CRACD: variants seen among roughly 807,000 people sequenced by gnomAD.
CRACD encodes the protein capping protein-inhibiting regulator of actin dynamics.
Under a neutral mutation model 106.8 loss-of-function variants are expected in CRACD, and 56 were observed. The ratio of observed to expected loss-of-function variants is 0.52; its 90% CI spans 0.42 to 0.66. CRACD has a LOEUF of 0.66. Ranked by LOEUF, CRACD falls within the 30% of genes least tolerant of loss-of-function variation. The pLI is 0.00. For synonymous variants in CRACD, 754 were observed against 670.8 expected, an observed-to-expected ratio of 1.12 and a Z score of -1.92; for missense variants, 1,730 against 1,623.2, an observed-to-expected ratio of 1.07 and a Z score of -1.13.
At chr4:56,318,794 A>C (rs560822637) in intron 8 of CRACD, among the ~76,000 whole-genome samples, 205 of 152,344 alleles carry the variant, frequency 1.3e-3, no homozygotes, top group Non-Finnish European at 2.4e-3. Flanking sequence ...TCAGGATAAA[A>C]ATGTTAGGCA....
intron 2 of CRACD, among the ~76,000 whole-genome samples, chr4:56,223,204 GT>G (rs1560490119): frequency 7.1e-6 from 1 of 140,730 alleles, no homozygotes. Context: ...TCTCTTTTTC[GT>G]TTTTCTTGAT....
chr4:56,169,195 C>G (rs1347854165), intron 1 of CRACD, among the ~76,000 whole-genome samples: 1 of 151,994 alleles, frequency 6.6e-6, no homozygotes, highest in Non-Finnish European at 1.5e-5. Flanking sequence ...ATTCTGAAAT[C>G]CCAACAAAGG....
chr4:56,112,207 G>C (rs143065266), intron 1 of CRACD, among the ~76,000 whole-genome samples: 1 of 152,276 alleles, frequency 6.6e-6, no homozygotes, highest in African/African-American at 2.4e-5. Flanking sequence ...GCCAAATGCT[G>C]ACATCTAGAT....
chr4:56,119,444 C>T (rs1475460682), intron 1 of CRACD, among the ~76,000 whole-genome samples: 5 of 151,990 alleles, frequency 3.3e-5, no homozygotes, highest in Non-Finnish European at 5.9e-5. Flanking sequence ...GATCCTCCCA[C>T]CTCAGACTCC....
At chr4:56,125,734 T>C (rs1357147871) in intron 1 of CRACD, among the ~76,000 whole-genome samples, 2 of 151,608 alleles carry the variant, frequency 1.3e-5, no homozygotes, top group African/African-American at 2.4e-5. Context: ...AAATTTTTAA[T>C]GTTTATAATC....
At chr4:56,311,102 G>A in intron 6 of CRACD, 1 of 173,184 alleles carries the variant, frequency 5.8e-6, no homozygotes, top group Non-Finnish European at 1.2e-5. Context: ...ATTTAGAGAG[G>A]CAAAACAAAA....
At chr4:56,279,664 G>A (rs1742901459) in intron 3 of CRACD, among the ~76,000 whole-genome samples, 1 of 152,166 alleles carries the variant, frequency 6.6e-6, no homozygotes, top group South Asian at 2.1e-4. Flanking sequence ...GAGAGGATGT[G>A]GAGAAATAGG....
At chr4:56,231,508 T>G (rs1391651879) in intron 2 of CRACD, among the ~76,000 whole-genome samples, 1 of 152,220 alleles carries the variant, frequency 6.6e-6, no homozygotes, top group Non-Finnish European at 1.5e-5. Flanking sequence ...CAGAAATGCA[T>G]GCATTTATTC....
chr4:56,302,946 C>T (rs1577881830), intron 4 of CRACD, among the ~76,000 whole-genome samples: 2 of 152,200 alleles, frequency 1.3e-5, no homozygotes, highest in South Asian at 4.1e-4. Context: ...AGCTCACATT[C>T]CAGTCTCAAC....
chr4:56,123,471 C>G (rs1734557407), intron 1 of CRACD, among the ~76,000 whole-genome samples: 1 of 152,206 alleles, frequency 6.6e-6, no homozygotes, highest in Non-Finnish European at 1.5e-5. Context: ...TCATGAAGCT[C>G]CCCTCTCTTT....
chr4:56,281,217 A>G (rs1254289107), intron 3 of CRACD, among the ~76,000 whole-genome samples: 1 of 152,142 alleles, frequency 6.6e-6, no homozygotes, highest in Non-Finnish European at 1.5e-5. Flanking sequence ...CAGCAGCTGC[A>G]TTAGATTCTC....
In CRACD at chr4:56,187,484, T is replaced by C. The variant is rs373959669; in HGVS notation, c.-189+8054T>C. Among the ~76,000 whole-genome samples the C allele has an allele frequency of 1.0e-3, 155 of 152,202 alleles. 1 individual carries two copies. Among genetic ancestry groups the C allele is most frequent in the African/African-American group, 3.6e-3 (148 of 41,518 alleles). ...TAACTTTAGAAAAATGAATGCTTGA[T>C]TTACCAGCAGCTTTGGATCAAGCCT... On this transcript the variant is annotated intron_variant, in intron 2 of 10. Coordinates refer to ENST00000682029, the MANE Select transcript of CRACD (RefSeq NM_001393381.1).
chr4:56,089,501 A>G (rs774685387), intron 1 of CRACD, among the ~76,000 whole-genome samples: 12 of 148,170 alleles, frequency 8.1e-5, no homozygotes, highest in Non-Finnish European at 1.6e-4. Context: ...TGGTCAAGGT[A>G]TTATAGGATT....
chr4:56,128,751 A>C (rs1202269152), intron 1 of CRACD, among the ~76,000 whole-genome samples: 1 of 152,206 alleles, frequency 6.6e-6, no homozygotes, highest in Non-Finnish European at 1.5e-5. Flanking sequence ...AACCAACAAA[A>C]GGAATTTTCT....
rs540225599 is a variant in CRACD, at chr4:56,230,506, A to T, written c.-188-41815A>T. Among the ~76,000 whole-genome samples, 3 of 152,294 alleles carry T rather than the reference A, an allele frequency of 2.0e-5. No homozygotes were observed. The East Asian group carries it at 5.8e-4, about 29-fold the overall frequency. On this transcript the variant is annotated intron_variant, in intron 2 of 10. Transcript: ENST00000682029. ...GTAGTGATGTGTTAGAAAAGATGAAATTGAGTCAGAAGGTCTAGTTCTGCG... is the reference window on the plus strand; with the variant it reads ...GTAGTGATGTGTTAGAAAAGATGAATTTGAGTCAGAAGGTCTAGTTCTGCG...
At chr4:56,257,526 G>GA (rs533700935) in intron 2 of CRACD, among the ~76,000 whole-genome samples, 245 of 123,012 alleles carry the variant, frequency 2.0e-3, no homozygotes, top group Admixed American at 2.0e-3. Flanking sequence ...TGTCTCTACA[G>GA]AAAAAAAAAA....
At chr4:56,157,420 T>C (rs1314175294) in intron 1 of CRACD, among the ~76,000 whole-genome samples, 1 of 152,184 alleles carries the variant, frequency 6.6e-6, no homozygotes, top group African/African-American at 2.4e-5. Flanking sequence ...ATTCCTAATA[T>C]CTAGTAGAAG....
intron 2 of CRACD, among the ~76,000 whole-genome samples, chr4:56,228,694 G>C (rs1739451803): frequency 6.6e-6 from 1 of 152,042 alleles, no homozygotes; most frequent in Admixed American, 6.6e-5. Flanking sequence ...GGAGAAATCG[G>C]AGAGAAGGTC....
At chr4:56,109,041 A>C (rs991076875) in intron 1 of CRACD, among the ~76,000 whole-genome samples, 12 of 152,136 alleles carry the variant, frequency 7.9e-5, no homozygotes, top group Non-Finnish European at 1.8e-4. Context: ...CAAGGAAAGG[A>C]GACTCCCTTT....
Sources: allele counts gnomAD v4.1 joint callset (sites outside exome capture counted in the v4.1 genomes callset), GRCh38; gene constraint gnomAD v4.1.1; transcripts MANE v1.5; gene names NCBI Gene and HGNC (gene_info 2026-07-23, HGNC 2026-07-21).